Variants in IDO2 observed in about 807,000 individuals in gnomAD.
The protein encoded by IDO2 is indoleamine 2,3-dioxygenase 2, also known as indoleamine 2,3-dioxygenase-like 1 protein.
In IDO2, 46 loss-of-function variants were observed where a neutral mutation model predicts 45.1. That is an observed-to-expected ratio of 1.02 (90% CI 0.80 to 1.30). IDO2 has a LOEUF of 1.30. Among genes scored for constraint, IDO2 ranks in the 50% most tolerant of loss-of-function variants. The pLI, the probability that IDO2 is intolerant of heterozygous loss-of-function variation, is 0.00. For missense variants in IDO2, 544 were observed against 491.8 expected, an observed-to-expected ratio of 1.11 and a Z score of -1.00; for synonymous variants, 218 against 184.9, an observed-to-expected ratio of 1.18 and a Z score of -1.45.
At chr8:40,008,400 T>C (rs977266799) in intron 9 of IDO2, among the ~76,000 whole-genome samples, 3 of 152,162 alleles carry the variant, frequency 2.0e-5, no homozygotes, top group African/African-American at 7.2e-5. Context: ...CCTCTCCTTC[T>C]GCCTCTAGCC....
Position 40,005,352 on chromosome 8 carries a change from T to A in IDO2, c.693T>A (p.Tyr231Ter), listed in dbSNP as rs749097258. ...ATTATGTAGATCCAGACATATTTTA[T>A]GCAGGCATCCGGATCTTTCTCTCTG... Residue 231 changes from tyrosine (Y) to a stop codon, truncating the protein, a stop_gained, in exon 9 of 11, where the codon TAT becomes TAA. Coordinates refer to ENST00000502986, the Ensembl canonical transcript of IDO2. LOFTEE classifies it high-confidence loss of function. 24 of 1,583,320 alleles carry A rather than the reference T, an allele frequency of 1.5e-5. No homozygotes were observed. Among genetic ancestry groups the A allele is most frequent in the Non-Finnish European group, 1.9e-5 (22 of 1,160,970 alleles).
At chr8:40,013,642 G>T in exon 10 of IDO2, 1 of 1,613,912 alleles carries the variant, frequency 6.2e-7, no homozygotes, top group South Asian at 1.1e-5. Context: ...TACTCCGGCG[G>T]GAGTGCAGCT....
At chr8:39,997,426 C>A (rs1802063237) in intron 8 of IDO2, among the ~76,000 whole-genome samples, 1 of 152,022 alleles carries the variant, frequency 6.6e-6, no homozygotes, top group Admixed American at 6.6e-5. Context: ...GTAATCCAAG[C>A]ACTTTGGGAG....
chr8:39,984,061 G>A (rs112004271), intron 5 of IDO2, among the ~76,000 whole-genome samples: 1 of 125,968 alleles, frequency 7.9e-6, no homozygotes, highest in African/African-American at 3.1e-5. Flanking sequence ...AATAATATAT[G>A]TGCGTAATTT....
intron 3 of IDO2, among the ~76,000 whole-genome samples, chr8:39,965,993 A>G (rs975882739): frequency 1.6e-4 from 25 of 151,712 alleles, no homozygotes; most frequent in Non-Finnish European, 2.9e-5. Flanking sequence ...GCAGCGCATA[A>G]AACTAACACA....
chr8:39,966,162 GGGACTACAGGCA>G (rs1808081558), intron 3 of IDO2, among the ~76,000 whole-genome samples: 1 of 151,296 alleles, frequency 6.6e-6, no homozygotes, highest in African/African-American at 2.4e-5. Flanking sequence ...CTGAGTAGCT[GGGACTACAGGCA>G]CCCGCCACCA....
Position 39,935,235 on chromosome 8 carries a change from C to A in IDO2, c.-18+17C>A. ...ATTATTATGGTAAGTACACTGGTAA[C>A]TTCTTTTCTAACCTCGTATGCATAA... On this transcript the variant is annotated intron_variant, in intron 1 of 10. Coordinates refer to ENST00000502986, the Ensembl canonical transcript of IDO2. The A allele has an allele frequency of 6.2e-7, 1 of 1,607,182 alleles. No individual in the cohort carries two copies. The highest frequency in any genetic ancestry group is 8.5e-7 in the Non-Finnish European group (1 of 1,174,000).
At chr8:39,935,863 T>C (rs1211352381) in intron 1 of IDO2, among the ~76,000 whole-genome samples, 1 of 152,216 alleles carries the variant, frequency 6.6e-6, no homozygotes, top group Non-Finnish European at 1.5e-5. Flanking sequence ...AAACCTGAAG[T>C]ATTTTCAGAC....
rs140858146 is a variant in IDO2 at position 39,989,671 on chromosome 8, T to C, written c.550-50T>C. The C allele has an allele frequency of 1.6e-5, 21 of 1,296,756 alleles. No individual in the cohort carries two copies. In the Middle Eastern group the frequency reaches 5.6e-4, roughly 34 times the overall value. 80.3% of individuals were successfully genotyped at this position (1,296,756 alleles called of 1,614,324 possible). A position where few individuals can be genotyped will look rare whatever the true frequency, so the allele number is the denominator to read the frequency against. On this transcript the variant is annotated intron_variant, in intron 7 of 10. Transcript: ENST00000502986. ...CAGTATGAGGCTTACTCTGCCTGCA[T>C]GGACTTTAAGGGAGTGCTAATAAGT...
intron 3 of IDO2, among the ~76,000 whole-genome samples, chr8:39,976,930 C>T (rs1424338139): frequency 6.6e-6 from 1 of 152,130 alleles, no homozygotes; most frequent in African/African-American, 2.4e-5. Flanking sequence ...AAGTCATTTA[C>T]AATTCAGAAC....
rs982956651 is a variant in IDO2 at position 39,949,267 on chromosome 8, A to G, written c.99+3A>G. The stretch of plus-strand genomic sequence containing the variant: ...GCTTTCTTCTTCCAGATTCTCTGGT[A>G]AGGATAGAGCCTTGGTAAGGATAGG... On this transcript the variant is annotated splice_donor_region_variant and intron_variant, in intron 2 of 10. Transcript: ENST00000502986. 6.3e-7 allele frequency: 1 copy of G among 1,580,756 alleles called. No homozygotes were observed. Among genetic ancestry groups the G allele is most frequent in the Admixed American group, 1.8e-5 (1 of 54,952 alleles).
intron 9 of IDO2, among the ~76,000 whole-genome samples, chr8:40,012,060 C>A (rs1442779737): frequency 6.6e-6 from 1 of 152,200 alleles, no homozygotes; most frequent in Non-Finnish European, 1.5e-5. Context: ...TGAAAACAAC[C>A]TGGCTCCTTA....
At chr8:39,966,245 T>C (rs967295706) in intron 3 of IDO2, among the ~76,000 whole-genome samples, 1 of 152,068 alleles carries the variant, frequency 6.6e-6, no homozygotes, top group African/African-American at 2.4e-5. Context: ...GCCAGGCTGG[T>C]CTCGAACTCC....
At chr8:40,009,357 A>G (rs1802276493) in intron 9 of IDO2, among the ~76,000 whole-genome samples, 1 of 151,986 alleles carries the variant, frequency 6.6e-6, no homozygotes, top group Non-Finnish European at 1.5e-5. Context: ...AGGAGAATGG[A>G]GATATTTCAT....
chr8:39,948,442 C>A (rs1807770173), intron 1 of IDO2, among the ~76,000 whole-genome samples: 1 of 152,296 alleles, frequency 6.6e-6, no homozygotes. Context: ...GAGCTAAGGT[C>A]ACAGTAAGAC....
chr8:40,004,746 T>C (rs1451790415), intron 8 of IDO2, among the ~76,000 whole-genome samples: 3 of 152,194 alleles, frequency 2.0e-5, no homozygotes, highest in Non-Finnish European at 4.4e-5. Flanking sequence ...GTTAGTAAAC[T>C]GGAAGAATCA....
intron 9 of IDO2, among the ~76,000 whole-genome samples, chr8:40,010,322 G>T (rs1802292540): frequency 6.6e-6 from 1 of 152,084 alleles, no homozygotes; most frequent in Admixed American, 6.6e-5. Context: ...TGGAAGAGCT[G>T]CAGGAAGCCA....
chr8:39,941,752 G>T (rs1807646068), intron 1 of IDO2, among the ~76,000 whole-genome samples: 1 of 152,098 alleles, frequency 6.6e-6, no homozygotes, highest in Admixed American at 6.6e-5. Context: ...GAAAAATACA[G>T]TTCAAACAAT....
chr8:39,941,626 G>T (rs962782157), intron 1 of IDO2, among the ~76,000 whole-genome samples: 1 of 152,068 alleles, frequency 6.6e-6, no homozygotes, highest in Non-Finnish European at 1.5e-5. Flanking sequence ...CTTGGGAACC[G>T]AGTATAACTA....
Sources: allele counts gnomAD v4.1 joint callset (sites outside exome capture counted in the v4.1 genomes callset), GRCh38; gene constraint gnomAD v4.1.1; transcripts MANE v1.5; gene names NCBI Gene and HGNC (gene_info 2026-07-23, HGNC 2026-07-21).